The following SLCO1A2 variants were observed in gnomAD, a reference collection of about 807,000 sequenced individuals.
The protein encoded by SLCO1A2 is solute carrier organic anion transporter family member 1A2.
SLCO1A2 carries 67 observed loss-of-function variants against 69.0 expected under a neutral mutation model. The observed-to-expected ratio is 0.97, with a 90% CI of 0.80 to 1.19. The LOEUF is 1.19. SLCO1A2 is among the 50% of genes most tolerant of loss of function. The pLI, the probability that SLCO1A2 is intolerant of heterozygous loss-of-function variation, is 0.00. For synonymous variants in SLCO1A2, 260 were observed against 265.9 expected (o/e 0.98, Z 0.22); for missense variants, 787 against 793.7 (o/e 0.99, Z 0.10).
chr12:21,313,758 T>C (rs1950509030), intron 4 of SLCO1A2, among the ~76,000 whole-genome samples: 1 of 150,700 alleles, frequency 6.6e-6, no homozygotes, highest in Non-Finnish European at 1.5e-5. Context: ...GTCACGAGGT[T>C]AGGAGATCGA....
chr12:21,414,302 T>A (rs1216456443), intron 1 of SLCO1A2, among the ~76,000 whole-genome samples: 1 of 151,786 alleles, frequency 6.6e-6, no homozygotes, highest in Non-Finnish European at 1.5e-5. Context: ...TAATTTCTTC[T>A]TTTCCAATGT....
intron 1 of SLCO1A2, chr12:21,378,400 G>C: frequency 1.2e-6 from 2 of 1,614,066 alleles, no homozygotes; most frequent in African/African-American, 1.3e-5. Flanking sequence ...TTTAAAGAGA[G>C]AGCCACTGAA....
intron 12 of SLCO1A2, among the ~76,000 whole-genome samples, chr12:21,285,984 A>G (rs577308793): frequency 5.3e-5 from 8 of 151,946 alleles, no homozygotes; most frequent in African/African-American, 1.9e-4. Context: ...CTCCTATTCA[A>G]TATAGTGTCG....
chr12:21,315,761 G>A lies in SLCO1A2; in HGVS notation c.203-1080C>T, dbSNP rs78637112. On this transcript the variant is annotated intron_variant, in intron 3 of 14. Coordinates refer to ENST00000683939, the MANE Select transcript of SLCO1A2 (RefSeq NM_001386879.1). ...TAAAATCTCATCACCAAGCCCATCC[G>A]TGTTACAGGTAGTGTCTCCAGAGGC... is the stretch of plus-strand genomic sequence containing the variant. Among the ~76,000 whole-genome samples, 919 of 152,220 alleles carry A rather than the reference G, an allele frequency of 6.0e-3. 5 individuals carry two copies. The highest frequency in any genetic ancestry group is 0.021 in the African/African-American group (875 of 41,536).
upstream of SLCO1A2, among the ~76,000 whole-genome samples, chr12:21,336,184 A>C (rs1952882015): frequency 6.6e-6 from 1 of 152,042 alleles, no homozygotes; most frequent in African/African-American, 2.4e-5. Context: ...AGCCCAATAT[A>C]GTCACCGTAT....
chr12:21,318,469 C>G (rs1166445720), intron 3 of SLCO1A2, among the ~76,000 whole-genome samples: 1 of 151,994 alleles, frequency 6.6e-6, no homozygotes, highest in Admixed American at 6.6e-5. Flanking sequence ...CTTAGTATCC[C>G]TTAGGGTTAT....
intron 1 of SLCO1A2, among the ~76,000 whole-genome samples, chr12:21,409,109 C>T (rs369571918): frequency 2.0e-5 from 3 of 152,066 alleles, no homozygotes; most frequent in African/African-American, 4.8e-5. Flanking sequence ...ATCTCAAATT[C>T]GTAACTCTGG....
intron 5 of SLCO1A2, among the ~76,000 whole-genome samples, chr12:21,305,132 A>G (rs1949200033): frequency 6.6e-6 from 1 of 152,256 alleles, no homozygotes; most frequent in Non-Finnish European, 1.5e-5. Flanking sequence ...GGTTCTCTAT[A>G]GAGCATGTTG....
intron 2 of SLCO1A2, among the ~76,000 whole-genome samples, chr12:21,352,006 T>C (rs915122479): frequency 9.9e-5 from 15 of 152,158 alleles, no homozygotes; most frequent in African/African-American, 1.9e-4. Flanking sequence ...AGGTTAACAG[T>C]GTGTGGCATA....
intron 1 of SLCO1A2, among the ~76,000 whole-genome samples, chr12:21,407,548 C>A (rs142034819): frequency 1.3e-5 from 2 of 152,290 alleles, no homozygotes; most frequent in African/African-American, 2.4e-5. Flanking sequence ...TGCCTATAAT[C>A]CAAGCACTTT....
At chr12:21,313,499 C>T (rs1339243215) in intron 4 of SLCO1A2, among the ~76,000 whole-genome samples, 4 of 151,980 alleles carry the variant, frequency 2.6e-5, no homozygotes, top group African/African-American at 9.7e-5. Context: ...ATTGCTTGAA[C>T]CCAGGGGTTC....
chr12:21,363,051 G>T (rs546427114), intron 2 of SLCO1A2, among the ~76,000 whole-genome samples: 1 of 152,170 alleles, frequency 6.6e-6, no homozygotes, highest in Non-Finnish European at 1.5e-5. Context: ...GGACCTAATA[G>T]ACATCTACAG....
chr12:21,329,502 C>CT (rs76903379), intron 2 of SLCO1A2, among the ~76,000 whole-genome samples: 338 of 143,564 alleles, frequency 2.4e-3, no homozygotes, highest in African/African-American at 3.9e-3. Context: ...AATATTTTTG[C>CT]TTTTTTTTTT....
At chr12:21,303,670 G>A (rs1429571437) in intron 6 of SLCO1A2, among the ~76,000 whole-genome samples, 1 of 152,204 alleles carries the variant, frequency 6.6e-6, no homozygotes, top group Non-Finnish European at 1.5e-5. Context: ...TTCAGAGATT[G>A]GAAGGCAGCA....
At chr12:21,361,369 CA>C in intron 2 of SLCO1A2, among the ~76,000 whole-genome samples, 1 of 152,226 alleles carries the variant, frequency 6.6e-6, no homozygotes, top group East Asian at 1.9e-4. Context: ...ACATCCACAC[CA>C]AAACCCCATC....
Position 21,408,563 on chromosome 12 carries a change from C to G in SLCO1A2, c.-312+9319G>C, listed in dbSNP as rs1941859164. ...GAGTCTACCAGAAATCCGCAACTGC[C>G]CAACGAAAAGTGTCCCAGTCCCCTT... is the stretch of plus-strand genomic sequence containing the variant. On this transcript the variant is annotated intron_variant, in intron 1 of 4. Coordinates refer to the SLCO1A2 transcript ENST00000413682. 3.3e-5 allele frequency among the ~76,000 whole-genome samples: 5 copies of G among 152,238 alleles called. No individual in the cohort carries two copies. The South Asian group carries it at 1.0e-3, about 32-fold the overall frequency.
At chr12:21,338,929 C>A (rs972247373), upstream of SLCO1A2, among the ~76,000 whole-genome samples, 3 of 152,044 alleles carry the variant, frequency 2.0e-5, no homozygotes, top group Non-Finnish European at 2.9e-5. Context: ...TAGACATAGT[C>A]AAAATAGCAG....
chr12:21,355,217 A>T (rs1938270370), intron 2 of SLCO1A2, among the ~76,000 whole-genome samples: 1 of 152,174 alleles, frequency 6.6e-6, no homozygotes, highest in Admixed American at 6.6e-5. Context: ...GATTATTACG[A>T]CCTTTATAGA....
chr12:21,269,318 C>T lies in SLCO1A2; in HGVS notation c.*230G>A, dbSNP rs1291821131. The T allele has an allele frequency of 1.1e-5, 4 of 349,744 alleles. No individual in the cohort carries two copies. The highest frequency in any genetic ancestry group is 2.0e-5 in the Non-Finnish European group (4 of 195,240). The allele number at this position is 349,744 out of a possible 1,614,324, so 21.7% of individuals were successfully genotyped here. Reference sequence around the variant, plus strand: ...TGTTTCAACATAAAAATAAAGCTGGCTCTAAGAATCTTCTTTAGGGGGCTG... The same window carrying T: ...TGTTTCAACATAAAAATAAAGCTGGTTCTAAGAATCTTCTTTAGGGGGCTG... On this transcript the variant is annotated 3_prime_UTR_variant, in exon 15 of 15. Transcript: ENST00000683939.
Sources: gnomAD v4.1 joint callset for allele counts (sites outside exome capture counted in the v4.1 genomes callset) on GRCh38, gnomAD v4.1.1 for gene constraint, MANE v1.5 for transcripts, NCBI Gene and HGNC (gene_info 2026-07-23, HGNC 2026-07-21) for gene names.